WNK2: variants seen among roughly 807,000 people sequenced by gnomAD.
The protein encoded by WNK2 is WNK lysine deficient protein kinase 2.
WNK2 carries 67 observed loss-of-function variants against 192.1 expected under a neutral mutation model. That is an observed-to-expected ratio of 0.35 (90% confidence interval 0.29 to 0.43). The LOEUF is 0.43. Among genes scored for constraint, WNK2 ranks in the 20% least tolerant of loss-of-function variants. The pLI, the probability that WNK2 is intolerant of heterozygous loss-of-function variation, is 1.00. For missense variants in WNK2, 2,698 were observed against 3,089.7 expected (o/e 0.87, Z 3.01); for synonymous variants, 1,439 against 1,393.9 (o/e 1.03, Z -0.72).
intron 19 of WNK2, among the ~76,000 whole-genome samples, chr9:93,270,724 T>TCACCCC (rs1845881865): frequency 6.6e-6 from 1 of 152,076 alleles, no homozygotes; most frequent in Non-Finnish European, 1.5e-5. Flanking sequence ...TCCCCATTGC[T>TCACCCC]CACCCCCCTT....
chr9:93,221,345 C>T (rs543514478), intron 2 of WNK2, among the ~76,000 whole-genome samples: 31 of 152,152 alleles, frequency 2.0e-4, no homozygotes, highest in Non-Finnish European at 2.9e-4. Context: ...CAGCTTGTCC[C>T]GGGGAAGGAC....
At position 93,238,342 on chromosome 9, in the gene WNK2, G is replaced by T. The variant is rs551232751; in HGVS notation, c.1322+21G>T. The stretch of plus-strand genomic sequence containing the variant: ...GAAAGGTGAGTTCCCCTGAAGGGCT[G>T]GGTTCTGGGGTCCATCTCCAGCTGA... On this transcript the variant is annotated intron_variant, in intron 6 of 29. Transcript: ENST00000427277. 7.8e-4 allele frequency: 1,254 copies of T among 1,597,826 alleles called. 15 individuals are homozygous for T. The African/African-American group carries it at 0.015, about 19-fold the overall frequency.
At chr9:93,305,207 G>T (rs1852304143) in intron 26 of WNK2, among the ~76,000 whole-genome samples, 1 of 152,212 alleles carries the variant, frequency 6.6e-6, no homozygotes, top group Admixed American at 6.5e-5. Flanking sequence ...CCTGGCTTAG[G>T]ACTGTCTACA....
intron 19 of WNK2, among the ~76,000 whole-genome samples, chr9:93,282,322 T>A (rs1847863504): frequency 6.6e-6 from 1 of 152,098 alleles, no homozygotes; most frequent in Admixed American, 6.6e-5. Flanking sequence ...GAAGGAATTT[T>A]TTAAAATATG....
At chr9:93,264,129 T>C (rs1195257101) in intron 16 of WNK2, 96 bp downstream of exon 16, 12 of 962,440 alleles carry the variant, frequency 1.2e-5, no homozygotes, top group Non-Finnish European at 1.9e-5. Context: ...CCTGGCCTTG[T>C]GTGGAGGTGT....
intron 8 of WNK2, among the ~76,000 whole-genome samples, chr9:93,249,714 T>A (rs1253731709): frequency 6.6e-6 from 1 of 151,706 alleles, no homozygotes; most frequent in Non-Finnish European, 1.5e-5. Context: ...GACCTCGTGA[T>A]CCGCCCGCCT....
At chr9:93,294,934 T>G (rs1849987402) in intron 23 of WNK2, among the ~76,000 whole-genome samples, 1 of 152,076 alleles carries the variant, frequency 6.6e-6, no homozygotes, top group Non-Finnish European at 1.5e-5. Flanking sequence ...AACTGGGAAT[T>G]GAGGTGACTT....
At chr9:93,309,928 G>A in intron 28 of WNK2, among the ~76,000 whole-genome samples, 1 of 152,174 alleles carries the variant, frequency 6.6e-6, no homozygotes, top group Non-Finnish European at 1.5e-5. Flanking sequence ...TATAATTTCT[G>A]TTGCTATTTG....
chr9:93,313,196 C>G (rs1390308825), intron 28 of WNK2, among the ~76,000 whole-genome samples: 2 of 152,158 alleles, frequency 1.3e-5, no homozygotes, highest in Non-Finnish European at 2.9e-5. Context: ...AGTCCAATGT[C>G]TAGGCTTCCT....
intron 2 of WNK2, among the ~76,000 whole-genome samples, chr9:93,202,510 C>T (rs1832633161): frequency 6.6e-6 from 1 of 152,098 alleles, no homozygotes; most frequent in Non-Finnish European, 1.5e-5. Flanking sequence ...GGAGAGGACA[C>T]TTTCTGCTTG....
At chr9:93,204,632 G>A (rs1833054773) in intron 2 of WNK2, among the ~76,000 whole-genome samples, 2 of 152,264 alleles carry the variant, frequency 1.3e-5, no homozygotes, top group Admixed American at 6.5e-5. Context: ...GAGCCATCAC[G>A]GGCTAGGTGT....
intron 14 of WNK2, 89 bp from the exon 15 acceptor site, chr9:93,263,477 C>G (rs998992248): frequency 2.9e-5 from 44 of 1,518,686 alleles, no homozygotes; most frequent in Non-Finnish European, 3.9e-5. Flanking sequence ...CTGGAGACTC[C>G]AGACTGTTCC....
At chr9:93,201,446 C>T (rs546251056) in intron 2 of WNK2, among the ~76,000 whole-genome samples, 7 of 152,354 alleles carry the variant, frequency 4.6e-5, no homozygotes, top group African/African-American at 9.6e-5. Flanking sequence ...GGAGGTGGAA[C>T]GTGGAGAACA....
rs1458977945 is a variant in WNK2 at position 93,184,939 on chromosome 9, G to C, written c.10G>C (p.Asp4His). Reference protein sequence around the residue: MDGDGGRRDVPGTL... With the variant: MDGHGGRRDVPGTL... Reference sequence around the variant, plus strand: ...TCCTTGGCCCACAGAGATGGACGGCGATGGCGGCCGCCGAGACGTCCCCGG... The same window carrying C: ...TCCTTGGCCCACAGAGATGGACGGCCATGGCGGCCGCCGAGACGTCCCCGG... The change falls in exon 2 of 30, where the codon GAT becomes CAT. Residue 4 changes from aspartate to histidine, a missense_variant. This residue lies in a region of WNK2 where 260 missense variants were observed against 285.6 expected (regional missense o/e 0.91). Coordinates refer to ENST00000427277, the MANE Select transcript of WNK2 (RefSeq NM_006648.4). 1 of 1,229,840 alleles carries C rather than the reference G, an allele frequency of 8.1e-7. No individual in the cohort carries two copies. Among genetic ancestry groups the C allele is most frequent in the East Asian group, 3.2e-5 (1 of 30,898 alleles). 76.2% of individuals were successfully genotyped at this position (1,229,840 alleles called of 1,614,324 possible). A position where few individuals can be genotyped will look rare whatever the true frequency, so the allele number is the denominator to read the frequency against.
In WNK2 at chr9:93,309,685, A is replaced by G. The variant is rs548430354; in HGVS notation, c.6516+1101A>G. Among the ~76,000 whole-genome samples the G allele has an allele frequency of 3.9e-5, 6 of 152,178 alleles. No individual in the cohort carries two copies. The South Asian group carries it at 1.2e-3, about 32-fold the overall frequency. Reference sequence around the variant, plus strand: ...TTTTATTAGCCTATTCAAAGAACACATTTTGTGTTTGATAGTCTTTATTGT... The same window carrying G: ...TTTTATTAGCCTATTCAAAGAACACGTTTTGTGTTTGATAGTCTTTATTGT... On this transcript the variant is annotated intron_variant, in intron 28 of 29. Transcript: ENST00000427277.
Position 93,185,097 on chromosome 9 carries a change from C to A in WNK2, c.168C>A (p.Gly56=). 7.6e-7 allele frequency: 1 copy of A among 1,316,148 alleles called. No homozygotes were observed. 81.5% of individuals were successfully genotyped at this position (1,316,148 alleles called of 1,614,324 possible). A position where few individuals can be genotyped will look rare whatever the true frequency, so the allele number is the denominator to read the frequency against. ...AGTCGGACCAGGAGGAGCCGCCGGG[C>A]TTGGAGGCAGCCGAGGCGCCGGGCC... The part of the protein sequence containing the change: ...VVESDQEEPP[G]LEAAEAPGPQ... The change falls in exon 2 of 30, where the codon GGC becomes GGA. Residue 56 remains glycine, a synonymous_variant. Transcript: ENST00000427277.
chr9:93,209,912 C>G (rs761365635), intron 2 of WNK2, among the ~76,000 whole-genome samples: 19 of 152,270 alleles, frequency 1.2e-4, no homozygotes, highest in Non-Finnish European at 2.2e-4. Context: ...TGGGACACCC[C>G]CAGAGCATGG....
intron 2 of WNK2, among the ~76,000 whole-genome samples, chr9:93,207,008 G>A (rs1833516011): frequency 6.6e-6 from 1 of 152,194 alleles, no homozygotes. Context: ...AGCTTGGAGG[G>A]GTGCCTTGGG....
intron 7 of WNK2, among the ~76,000 whole-genome samples, chr9:93,245,429 G>A (rs747115569): frequency 6.6e-6 from 1 of 152,194 alleles, no homozygotes; most frequent in Non-Finnish European, 1.5e-5. Context: ...GGGCTCAGGT[G>A]GCCCTCTGTG....
Sources: allele counts gnomAD v4.1 joint callset (sites outside exome capture counted in the v4.1 genomes callset), GRCh38; gene constraint gnomAD v4.1.1; regional missense constraint gnomAD v4.1.1; transcripts MANE v1.5; gene names NCBI Gene and HGNC (gene_info 2026-07-23, HGNC 2026-07-21).